GALNT13: variants seen among roughly 807,000 people sequenced by gnomAD.
The protein encoded by GALNT13 is UDP-GalNAc:polypeptide N-acetylgalactosaminyltransferase 13.
Under a neutral mutation model 64.2 loss-of-function variants are expected in GALNT13, and 28 were observed. The observed-to-expected ratio is 0.44, with a 90% CI of 0.32 to 0.60. The LOEUF (loss-of-function observed/expected upper bound fraction) is 0.60. GALNT13 is among the 20% of genes least tolerant of loss of function. The pLI, the probability that GALNT13 is intolerant of heterozygous loss-of-function variation, is 0.05. For synonymous variants in GALNT13, 214 were observed against 224.6 expected, an observed-to-expected ratio of 0.95 and a Z score of 0.42; for missense variants, 577 against 669.8, an observed-to-expected ratio of 0.86 and a Z score of 1.53.
the GALNT13 span, among the ~76,000 whole-genome samples, chr2:153,506,458 G>A: frequency 1.3e-5 from 2 of 152,090 alleles, no homozygotes; most frequent in Non-Finnish European, 2.9e-5. Context: ...TGTTTAAGTA[G>A]GGTCTATTTT....
intron 9 of GALNT13, among the ~76,000 whole-genome samples, chr2:154,378,335 T>A (rs191887067): frequency 2.0e-5 from 3 of 152,188 alleles, no homozygotes; most frequent in African/African-American, 7.2e-5. Flanking sequence ...TGCAGCCTTG[T>A]GCCTTCACTT....
At chr2:153,366,611 C>G in the GALNT13 span, among the ~76,000 whole-genome samples, 4 of 151,542 alleles carry the variant, frequency 2.6e-5, no homozygotes, top group East Asian at 7.8e-4. Flanking sequence ...AAATATTTGA[C>G]TATTTGAAGA....
At chr2:153,435,625 CTGTT>C in the GALNT13 span, among the ~76,000 whole-genome samples, 1,047 of 152,152 alleles carry the variant, frequency 6.9e-3, 12 homozygotes, top group African/African-American at 0.024. Flanking sequence ...ATTTGGCTCT[CTGTT>C]TGTCTGTTAT....
At chr2:153,206,882 A>T in the GALNT13 span, among the ~76,000 whole-genome samples, 1 of 151,984 alleles carries the variant, frequency 6.6e-6, no homozygotes, top group Non-Finnish European at 1.5e-5. Flanking sequence ...CCCCCATTTT[A>T]CTCATCGCCT....
At chr2:154,166,641 G>T (rs1685041925) in intron 4 of GALNT13, among the ~76,000 whole-genome samples, 1 of 152,172 alleles carries the variant, frequency 6.6e-6, no homozygotes, top group Non-Finnish European at 1.5e-5. Flanking sequence ...ATACCCAAAG[G>T]ATTATAAATC....
chr2:153,296,628 G>A, the GALNT13 span, among the ~76,000 whole-genome samples: 2 of 152,112 alleles, frequency 1.3e-5, no homozygotes, highest in African/African-American at 2.4e-5. Flanking sequence ...CCTGACTGAC[G>A]CAGAATGAAA....
At position 153,944,626 on chromosome 2, in the gene GALNT13, G is replaced by T. The variant is rs1574171902; in HGVS notation, c.129G>T (p.Leu43=). The part of the protein sequence containing the change: ...KCDDKKERSL[L]PALRAVISRN... ...ATGACAAGAAGGAGAGATCTCTGCT[G>T]CCTGCATTGAGGGGTAAGTGCTTAT... The change falls in exon 3 of 13, where the codon CTG becomes CTT. Residue 43 remains leucine (L), a synonymous_variant. Coordinates refer to ENST00000392825, the MANE Select transcript of GALNT13 (RefSeq NM_052917.4). 2 of 1,613,044 alleles carry T rather than the reference G, an allele frequency of 1.2e-6. No individual in the cohort carries two copies. Among genetic ancestry groups the T allele is most frequent in the Non-Finnish European group, 1.7e-6 (2 of 1,179,362 alleles).
At chr2:153,098,430 T>C in the GALNT13 span, among the ~76,000 whole-genome samples, 1 of 152,224 alleles carries the variant, frequency 6.6e-6, no homozygotes, top group South Asian at 2.1e-4. Context: ...ATCACTATCA[T>C]GTGAGTATAG....
intron 9 of GALNT13, among the ~76,000 whole-genome samples, chr2:154,369,218 A>G (rs948926403): frequency 1.3e-5 from 2 of 152,086 alleles, no homozygotes; most frequent in African/African-American, 4.8e-5. Context: ...CGTATTTCCA[A>G]GGTACTTTGG....
chr2:154,329,902 C>T (rs1046792269), intron 9 of GALNT13, among the ~76,000 whole-genome samples: 9 of 152,060 alleles, frequency 5.9e-5, no homozygotes, highest in Non-Finnish European at 1.2e-4. Context: ...AGCCTGAGGC[C>T]CTCACCAGAA....
At chr2:153,599,020 T>C in the GALNT13 span, among the ~76,000 whole-genome samples, 1 of 152,072 alleles carries the variant, frequency 6.6e-6, no homozygotes, top group Non-Finnish European at 1.5e-5. Context: ...GTACTGTCAG[T>C]AGCCTGTAGG....
At chr2:153,774,572 G>T in the GALNT13 span, among the ~76,000 whole-genome samples, 1 of 151,822 alleles carries the variant, frequency 6.6e-6, no homozygotes, top group South Asian at 2.1e-4. Flanking sequence ...ACTTTTTTTT[G>T]GTAAACTTAT....
At chr2:153,703,809 G>C in the GALNT13 span, among the ~76,000 whole-genome samples, 3 of 152,114 alleles carry the variant, frequency 2.0e-5, no homozygotes, top group Non-Finnish European at 4.4e-5. Flanking sequence ...TCTGCTTAGA[G>C]ACTGTGTCAA....
At chr2:153,392,248 CCTT>C in the GALNT13 span, among the ~76,000 whole-genome samples, 2 of 151,244 alleles carry the variant, frequency 1.3e-5, no homozygotes, top group South Asian at 2.1e-4. Context: ...TGCATTTCTT[CCTT>C]AAGTTTTTTT....
chr2:153,173,776 T>C, the GALNT13 span, among the ~76,000 whole-genome samples: 1 of 152,098 alleles, frequency 6.6e-6, no homozygotes, highest in Non-Finnish European at 1.5e-5. Flanking sequence ...CACTATCAAA[T>C]CAAAGTCTCA....
intron 11 of GALNT13, among the ~76,000 whole-genome samples, chr2:154,431,508 C>T (rs1330248412): frequency 2.0e-5 from 3 of 152,174 alleles, no homozygotes; most frequent in Non-Finnish European, 4.4e-5. Context: ...TTAGATCCTT[C>T]TCACAGAAGT....
chr2:153,447,601 C>G, the GALNT13 span, among the ~76,000 whole-genome samples: 1 of 152,094 alleles, frequency 6.6e-6, no homozygotes, highest in East Asian at 1.9e-4. Context: ...ATATGCCTTA[C>G]CATATAATAA....
chr2:153,354,353 C>G, the GALNT13 span: 1 of 152,220 alleles, frequency 6.6e-6, no homozygotes, highest in East Asian at 1.9e-4. Flanking sequence ...AATGCTGGAC[C>G]GTCTTACTAG....
intron 4 of GALNT13, among the ~76,000 whole-genome samples, chr2:154,168,805 G>A (rs1685185718): frequency 6.6e-6 from 1 of 151,902 alleles, no homozygotes; most frequent in African/African-American, 2.4e-5. Flanking sequence ...TTGCACCACT[G>A]AACTCCAGCC....
Sources: allele counts gnomAD v4.1 joint callset (sites outside exome capture counted in the v4.1 genomes callset), GRCh38; gene constraint gnomAD v4.1.1; transcripts MANE v1.5; gene names NCBI Gene and HGNC (gene_info 2026-07-23, HGNC 2026-07-21).